The following ESRRG variants were observed in gnomAD, a reference collection of about 807,000 sequenced individuals.
The protein encoded by ESRRG is estrogen-related receptor gamma.
ESRRG carries 13 observed loss-of-function variants against 44.0 expected under a neutral mutation model. The observed-to-expected ratio is 0.30, with a 90% CI of 0.19 to 0.47. The LOEUF (loss-of-function observed/expected upper bound fraction) is 0.47, where lower values mean the gene tolerates loss of function less well. Ranked by LOEUF, ESRRG falls within the 20% of genes least tolerant of loss-of-function variation. The pLI is 1.00. For missense variants in ESRRG, 395 were observed against 580.6 expected (o/e 0.68, Z 3.29); for synonymous variants, 215 against 214.6 (o/e 1.00, Z -0.02).
intron 5 of ESRRG, among the ~76,000 whole-genome samples, chr1:216,539,456 C>A (rs2052017627): frequency 6.6e-6 from 1 of 151,984 alleles, no homozygotes. Context: ...CCCTTCCCCC[C>A]TACCTTGTTT....
At chr1:216,949,568 A>G (rs1578540184) in intron 1 of ESRRG, among the ~76,000 whole-genome samples, 1 of 152,180 alleles carries the variant, frequency 6.6e-6, no homozygotes, top group Non-Finnish European at 1.5e-5. Flanking sequence ...GTCTGAGATC[A>G]TAAGTGTTAC....
chr1:216,956,896 G>A (rs1158679742), intron 1 of ESRRG, among the ~76,000 whole-genome samples: 11 of 151,902 alleles, frequency 7.2e-5, no homozygotes, highest in Admixed American at 3.3e-4. Context: ...TAACCAAATA[G>A]GAAAAACCAC....
intron 5 of ESRRG, among the ~76,000 whole-genome samples, chr1:216,537,339 G>A (rs1027956434): frequency 2.0e-5 from 3 of 152,006 alleles, no homozygotes; most frequent in African/African-American, 7.2e-5. Flanking sequence ...GGACTTCCTA[G>A]CCTCTAGAAC....
intron 1 of ESRRG, among the ~76,000 whole-genome samples, chr1:216,981,384 T>C (rs35216436): frequency 0.17 from 25,543 of 152,070 alleles, 2,866 homozygotes; most frequent in Admixed American, 0.29. Context: ...ACTTTGCTAT[T>C]CATTAGCTCT....
chr1:216,516,999 A>G (rs1382534204), intron 6 of ESRRG, among the ~76,000 whole-genome samples: 1 of 152,170 alleles, frequency 6.6e-6, no homozygotes, highest in East Asian at 1.9e-4. Flanking sequence ...CACAATTTGG[A>G]GATTAAAATA....
chr1:216,527,159 A>G (rs1333212568), intron 5 of ESRRG, among the ~76,000 whole-genome samples: 2 of 152,186 alleles, frequency 1.3e-5, no homozygotes, highest in Non-Finnish European at 2.9e-5. Flanking sequence ...AAGTATTGCA[A>G]GGATGGATCC....
intron 2 of ESRRG, among the ~76,000 whole-genome samples, chr1:216,767,766 T>C (rs1012236433): frequency 2.6e-5 from 4 of 152,134 alleles, no homozygotes; most frequent in Non-Finnish European, 1.5e-5. Context: ...CTTCAAAACT[T>C]AAGTATGCAT....
At chr1:216,960,661 C>T (rs1396423242) in intron 1 of ESRRG, among the ~76,000 whole-genome samples, 1 of 152,104 alleles carries the variant, frequency 6.6e-6, no homozygotes, top group Non-Finnish European at 1.5e-5. Flanking sequence ...TCATGGCTAG[C>T]TGCAGCCTTG....
At chr1:216,766,761 T>C (rs2093099525) in intron 2 of ESRRG, among the ~76,000 whole-genome samples, 2 of 152,086 alleles carry the variant, frequency 1.3e-5, no homozygotes, top group Non-Finnish European at 2.9e-5. Flanking sequence ...AAAAAGAAAG[T>C]CAGAGTCTCT....
rs1271650450 is a variant in ESRRG, at chr1:216,505,591, TG to T, written c.*1347del. 6.6e-6 allele frequency: 1 copy of T among 152,606 alleles called. No homozygotes were observed. Among genetic ancestry groups the T allele is most frequent in the Non-Finnish European group, 1.5e-5 (1 of 68,040 alleles). 9.5% of individuals were successfully genotyped at this position (152,606 alleles called of 1,614,324 possible). On this transcript the variant is annotated 3_prime_UTR_variant, in exon 7 of 7. Transcript: ENST00000408911. ...ACCACCATGGCAGCTAGAAATCATA[TG>T]GCAATTGTACCTCCCAAGTAGAGAG... is the stretch of plus-strand genomic sequence containing the variant.
At chr1:216,722,872 A>G (rs1324568490) in intron 1 of ESRRG, among the ~76,000 whole-genome samples, 2 of 152,188 alleles carry the variant, frequency 1.3e-5, no homozygotes, top group African/African-American at 4.8e-5. Context: ...AATCATTTTG[A>G]ATATTGTATT....
At chr1:217,117,928 T>C (rs76606809) in intron 1 of ESRRG, among the ~76,000 whole-genome samples, 2,655 of 152,290 alleles carry the variant, frequency 0.017, 74 homozygotes, top group African/African-American at 0.053. Context: ...AGTTCAAAAT[T>C]CTTTACATTT....
intron 1 of ESRRG, among the ~76,000 whole-genome samples, chr1:217,061,509 G>C (rs2088489839): frequency 1.3e-5 from 2 of 152,218 alleles, no homozygotes; most frequent in South Asian, 2.1e-4. Context: ...TAAAAAGACA[G>C]TTGCACCGGA....
chr1:216,693,597 T>C (rs1394274713), intron 1 of ESRRG, among the ~76,000 whole-genome samples: 2 of 152,232 alleles, frequency 1.3e-5, no homozygotes, highest in African/African-American at 4.8e-5. Flanking sequence ...AAATCATCTC[T>C]GGATTATTCG....
intron 1 of ESRRG, among the ~76,000 whole-genome samples, chr1:217,133,120 G>A (rs1314241166): frequency 6.6e-6 from 1 of 152,254 alleles, no homozygotes; most frequent in African/African-American, 2.4e-5. Context: ...CCAGAAAGAA[G>A]CCTGCTGTTG....
intron 2 of ESRRG, among the ~76,000 whole-genome samples, chr1:216,734,844 T>TCCC (rs2089551000): frequency 6.6e-6 from 1 of 151,308 alleles, no homozygotes; most frequent in East Asian, 1.9e-4. Context: ...CTTATGAATT[T>TCCC]CCCCCCTCTA....
At chr1:216,672,040 AAGAAAG>A (rs2075286940) in intron 2 of ESRRG, among the ~76,000 whole-genome samples, 1 of 70,314 alleles carries the variant, frequency 1.4e-5, no homozygotes, top group Non-Finnish European at 3.9e-5. Context: ...GAAGGAAGGA[AAGAAAG>A]AAGGAAGGAA....
intron 2 of ESRRG, among the ~76,000 whole-genome samples, chr1:216,870,126 TA>T (rs1393375287): frequency 2.0e-5 from 3 of 152,054 alleles, no homozygotes; most frequent in Admixed American, 2.0e-4. Flanking sequence ...AGATATTTTG[TA>T]GATGGACTTT....
chr1:216,948,235 G>A (rs1322787339), intron 1 of ESRRG, among the ~76,000 whole-genome samples: 2 of 152,028 alleles, frequency 1.3e-5, no homozygotes, highest in Non-Finnish European at 2.9e-5. Flanking sequence ...ATCTGGAGAT[G>A]AGGAATGGTC....
Sources: gnomAD v4.1 joint callset for allele counts (sites outside exome capture counted in the v4.1 genomes callset) on GRCh38, gnomAD v4.1.1 for gene constraint, MANE v1.5 for transcripts, NCBI Gene and HGNC (gene_info 2026-07-23, HGNC 2026-07-21) for gene names.